PDGFRL: variants seen among roughly 807,000 people sequenced by gnomAD.
The protein encoded by PDGFRL is platelet-derived growth factor receptor-like protein.
In PDGFRL, 46 loss-of-function variants were observed where a neutral mutation model predicts 37.2. The ratio of observed to expected loss-of-function variants is 1.24; its 90% CI spans 0.98 to 1.58. PDGFRL has a LOEUF of 1.58. PDGFRL is among the 40% of genes most tolerant of loss of function. PDGFRL has a pLI of 0.00. For synonymous variants in PDGFRL, 251 were observed against 184.3 expected, an observed-to-expected ratio of 1.36 and a Z score of -2.93; for missense variants, 692 against 467.6, an observed-to-expected ratio of 1.48 and a Z score of -4.43.
chr8:17,604,986 G>A (rs918438699), intron 2 of PDGFRL, among the ~76,000 whole-genome samples: 2 of 152,032 alleles, frequency 1.3e-5, no homozygotes, highest in Non-Finnish European at 2.9e-5. Context: ...GCATGGTGGC[G>A]TGTGCCTATA....
intron 4 of PDGFRL, among the ~76,000 whole-genome samples, chr8:17,632,918 C>A (rs73571127): frequency 1.3e-5 from 2 of 152,190 alleles, no homozygotes; most frequent in South Asian, 4.1e-4. Flanking sequence ...ACAGCGCTTC[C>A]TCAAGGAAGC....
intron 2 of PDGFRL, among the ~76,000 whole-genome samples, chr8:17,604,781 A>G (rs1418044112): frequency 6.6e-6 from 1 of 152,198 alleles, no homozygotes; most frequent in East Asian, 1.9e-4. Flanking sequence ...TAGGGCAATT[A>G]TGAGTCGAGG....
At chr8:17,629,954 A>G (rs1318203265) in intron 4 of PDGFRL, among the ~76,000 whole-genome samples, 2 of 151,924 alleles carry the variant, frequency 1.3e-5, no homozygotes, top group Non-Finnish European at 2.9e-5. Context: ...ATCAGTACTC[A>G]CTACCCACAC....
chr8:17,632,567 C>T (rs953912965), intron 4 of PDGFRL, among the ~76,000 whole-genome samples: 1 of 152,176 alleles, frequency 6.6e-6, no homozygotes, highest in African/African-American at 2.4e-5. Flanking sequence ...GAACTCCTGA[C>T]CTCAGGTGAT....
chr8:17,606,889 T>TG (rs1554551674), intron 2 of PDGFRL, among the ~76,000 whole-genome samples: 4 of 37,858 alleles, frequency 1.1e-4, no homozygotes, highest in African/African-American at 4.2e-4. Flanking sequence ...GTTTTTTGTT[T>TG]TTTTGTTTTT....
intron 5 of PDGFRL, 146 bp downstream of exon 5, chr8:17,634,359 G>T: frequency 3.4e-6 from 2 of 596,422 alleles, no homozygotes; most frequent in South Asian, 2.8e-5. Flanking sequence ...TTGGGGGCCA[G>T]GTATTGTTTG....
At chr8:17,611,651 T>G (rs1227809081) in intron 2 of PDGFRL, among the ~76,000 whole-genome samples, 2 of 152,164 alleles carry the variant, frequency 1.3e-5, no homozygotes. Flanking sequence ...GTTACTCAGC[T>G]TAAGGGCTGG....
chr8:17,628,915 T>TG (rs1296097486), intron 4 of PDGFRL, 135 bp downstream of exon 4: 3 of 631,238 alleles, frequency 4.8e-6, no homozygotes, highest in Admixed American at 3.0e-5. Flanking sequence ...TTGTTGTTGT[T>TG]TTTTTTTCTC....
At chr8:17,641,769 T>C (rs1411661037) in intron 5 of PDGFRL, among the ~76,000 whole-genome samples, 1 of 152,048 alleles carries the variant, frequency 6.6e-6, no homozygotes, top group African/African-American at 2.4e-5. Context: ...CCTTCTGGCC[T>C]ATGGGCTGTG....
chr8:17,612,776 C>T (rs1273241549), intron 2 of PDGFRL, among the ~76,000 whole-genome samples: 3 of 152,074 alleles, frequency 2.0e-5, no homozygotes, highest in African/African-American at 7.2e-5. Context: ...CCCCAAGAAA[C>T]GTGGTTAACA....
intron 2 of PDGFRL, among the ~76,000 whole-genome samples, chr8:17,590,606 CAG>C (rs34760490): frequency 0.14 from 20,680 of 151,622 alleles, 1,915 homozygotes; most frequent in African/African-American, 0.27. Context: ...GTTACTCAGG[CAG>C]AGCTGAGGCA....
chr8:17,628,531 G>A lies in PDGFRL; in HGVS notation c.550G>A (p.Val184Ile). 1 of 1,614,038 alleles carries A rather than the reference G, an allele frequency of 6.2e-7. No individual in the cohort carries two copies. The highest frequency in any genetic ancestry group is 8.5e-7 in the Non-Finnish European group (1 of 1,179,910). The change falls in exon 4 of 6, where the codon GTC becomes ATC. Residue 184 changes from valine to isoleucine, a missense_variant. Physicochemically the swap from Val to Ile is conservative, Grantham distance 29 (BLOSUM62 3). Coordinates refer to ENST00000251630, the MANE Select transcript of PDGFRL (RefSeq NM_001372073.1). ...FVPSPSYFDVVYLNPDRQAVV... is the reference protein window; with the variant it reads ...FVPSPSYFDVIYLNPDRQAVV... Reference sequence around the variant, plus strand: ...ACCTTCTCCCAGCTACTTCGATGTTGTCTACTTGAACCCGGACAGACAGGC... The same window carrying A: ...ACCTTCTCCCAGCTACTTCGATGTTATCTACTTGAACCCGGACAGACAGGC...
intron 3 of PDGFRL, among the ~76,000 whole-genome samples, chr8:17,627,466 T>A (rs1804755788): frequency 1.0e-5 from 1 of 98,928 alleles, no homozygotes; most frequent in African/African-American, 4.6e-5. Context: ...AGCTACCGAT[T>A]GCAATTTTTT....
At chr8:17,603,497 C>T (rs1200278148) in intron 2 of PDGFRL, among the ~76,000 whole-genome samples, 1 of 152,168 alleles carries the variant, frequency 6.6e-6, no homozygotes, top group Non-Finnish European at 1.5e-5. Flanking sequence ...CCTCCAGACT[C>T]AGTCCATCCC....
chr8:17,638,071 C>G (rs775981418), intron 5 of PDGFRL, among the ~76,000 whole-genome samples: 3 of 151,878 alleles, frequency 2.0e-5, no homozygotes, highest in Non-Finnish European at 2.9e-5. Flanking sequence ...ATCTTTATTT[C>G]TTTTGTTCTG....
chr8:17,631,325 G>A (rs1804856976), intron 4 of PDGFRL, among the ~76,000 whole-genome samples: 6 of 152,124 alleles, frequency 3.9e-5, no homozygotes, highest in Admixed American at 3.3e-4. Context: ...AGAGTGGTAC[G>A]TGTGGGCAGA....
intron 3 of PDGFRL, among the ~76,000 whole-genome samples, chr8:17,621,418 T>TTC (rs1804632333): frequency 6.6e-6 from 1 of 151,796 alleles, no homozygotes; most frequent in African/African-American, 2.4e-5. Flanking sequence ...TTTTTTTTTT[T>TTC]CAGATGGGAA....
chr8:17,616,219 G>A (rs926141695), intron 2 of PDGFRL, among the ~76,000 whole-genome samples: 2 of 142,146 alleles, frequency 1.4e-5, no homozygotes, highest in African/African-American at 2.5e-5. Context: ...TTTCTGAGAG[G>A]GAGCCTTGCT....
chr8:17,591,644 G>T (rs7838661), intron 2 of PDGFRL, among the ~76,000 whole-genome samples: 1 of 152,184 alleles, frequency 6.6e-6, no homozygotes, highest in East Asian at 1.9e-4. Context: ...GGCTGGGCAC[G>T]GTGGCTCACG....
Sources: allele counts gnomAD v4.1 joint callset (sites outside exome capture counted in the v4.1 genomes callset), GRCh38; gene constraint gnomAD v4.1.1; transcripts MANE v1.5; gene names NCBI Gene and HGNC (gene_info 2026-07-23, HGNC 2026-07-21).